KIAA1328: variants seen among roughly 807,000 people sequenced by gnomAD.
KIAA1328 encodes protein hinderin.
KIAA1328 carries 52 observed loss-of-function variants against 68.1 expected under a neutral mutation model. The observed-to-expected ratio is 0.76, with a 90% CI of 0.61 to 0.96. The LOEUF is 0.96. Ranked by LOEUF, KIAA1328 falls within the 40% of genes least tolerant of loss-of-function variation. The pLI, the probability that KIAA1328 is intolerant of heterozygous loss-of-function variation, is 0.00. For missense variants in KIAA1328, 641 were observed against 677.6 expected (o/e 0.95, Z 0.60); for synonymous variants, 232 against 239.4 (o/e 0.97, Z 0.28).
At chr18:36,987,307 G>A (rs561215330) in intron 6 of KIAA1328, among the ~76,000 whole-genome samples, 38 of 140,032 alleles carry the variant, frequency 2.7e-4, no homozygotes, top group African/African-American at 9.7e-4. Context: ...GACACAGGAA[G>A]GGGAATATCA....
At position 36,977,658 on chromosome 18, in the gene KIAA1328, AT is replaced by A. The variant is rs375516871; in HGVS notation, c.576+18225del. Reference sequence around the variant, plus strand: ...TTTTGTTTTTAAAACAAGGGACCACATTAATCAAACCCAGAAACAAGGTGTT... The same window carrying A: ...TTTTGTTTTTAAAACAAGGGACCACATAATCAAACCCAGAAACAAGGTGTT... On this transcript the variant is annotated intron_variant, in intron 6 of 9. Coordinates refer to ENST00000280020, the MANE Select transcript of KIAA1328 (RefSeq NM_020776.3). Among the ~76,000 whole-genome samples the A allele has an allele frequency of 6.4e-3, 969 of 152,268 alleles. 9 individuals carry two copies. Among genetic ancestry groups the A allele is most frequent in the African/African-American group, 0.023 (935 of 41,552 alleles).
At chr18:37,085,344 G>A (rs1031880819) in intron 7 of KIAA1328, among the ~76,000 whole-genome samples, 1 of 152,136 alleles carries the variant, frequency 6.6e-6, no homozygotes, top group African/African-American at 2.4e-5. Context: ...CTACTGTGTT[G>A]CCAGAGTTTG....
chr18:36,983,979 T>A (rs938891371), intron 6 of KIAA1328, among the ~76,000 whole-genome samples: 3 of 152,150 alleles, frequency 2.0e-5, no homozygotes, highest in Non-Finnish European at 2.9e-5. Context: ...CAATTCAGCA[T>A]GTTAATAAGC....
At chr18:36,928,907 T>C (rs910312158) in intron 5 of KIAA1328, among the ~76,000 whole-genome samples, 1 of 152,218 alleles carries the variant, frequency 6.6e-6, no homozygotes, top group African/African-American at 2.4e-5. Context: ...TCTTATTTTC[T>C]TTGTGTTTCA....
intron 6 of KIAA1328, among the ~76,000 whole-genome samples, chr18:37,025,922 A>G (rs1248584658): frequency 2.0e-5 from 3 of 152,190 alleles, no homozygotes; most frequent in Non-Finnish European, 4.4e-5. Context: ...TCAAAAAATC[A>G]ATGAATCCAG....
intron 5 of KIAA1328, among the ~76,000 whole-genome samples, chr18:36,940,458 A>C (rs1337680009): frequency 6.6e-6 from 1 of 152,166 alleles, no homozygotes. Flanking sequence ...ACAACTATTC[A>C]TGAAGTGTAC....
chr18:37,181,125 T>A (rs1035413745), intron 9 of KIAA1328, among the ~76,000 whole-genome samples: 8 of 152,170 alleles, frequency 5.3e-5, no homozygotes, highest in Admixed American at 6.5e-5. Context: ...AGTAACAGTT[T>A]ATTCACTATA....
At chr18:37,125,539 T>C (rs1047693952) in intron 7 of KIAA1328, among the ~76,000 whole-genome samples, 31 of 151,968 alleles carry the variant, frequency 2.0e-4, no homozygotes, top group Admixed American at 1.8e-3. Flanking sequence ...AGAATAATAA[T>C]AGAGAAATCA....
At chr18:37,138,775 G>A (rs1466914503) in intron 7 of KIAA1328, among the ~76,000 whole-genome samples, 1 of 151,950 alleles carries the variant, frequency 6.6e-6, no homozygotes, top group Non-Finnish European at 1.5e-5. Context: ...AATGTCCAAA[G>A]GTAGTCATTT....
Position 37,081,128 on chromosome 18 carries a change from C to T in KIAA1328, c.1232+13583C>T, listed in dbSNP as rs769776125. On this transcript the variant is annotated intron_variant, in intron 7 of 9. Coordinates refer to ENST00000280020, the MANE Select transcript of KIAA1328 (RefSeq NM_020776.3). ...CCCCGAGTAGCTGGGATTGCAGGCACGCACCACCACACCAGGCTAATTTTT... is the reference window on the plus strand; with the variant it reads ...CCCCGAGTAGCTGGGATTGCAGGCATGCACCACCACACCAGGCTAATTTTT... 1.0e-3 allele frequency among the ~76,000 whole-genome samples: 156 copies of T among 152,066 alleles called. 2 individuals carry two copies. The highest frequency in any genetic ancestry group is 3.7e-3 in the African/African-American group (153 of 41,518).
At chr18:37,055,684 C>T (rs1271858649) in intron 6 of KIAA1328, among the ~76,000 whole-genome samples, 2 of 152,160 alleles carry the variant, frequency 1.3e-5, no homozygotes, top group Admixed American at 6.6e-5. Context: ...GGAGATACAA[C>T]GACCTGGCCC....
At chr18:36,893,465 T>TGTGTG (rs1556812094) in intron 5 of KIAA1328, among the ~76,000 whole-genome samples, 416 of 120,640 alleles carry the variant, frequency 3.4e-3, no homozygotes, top group African/African-American at 7.0e-3. Context: ...GTGTGTGTTT[T>TGTGTG]TGTGTGTGTG....
At chr18:37,147,169 G>A (rs575974644) in intron 7 of KIAA1328, among the ~76,000 whole-genome samples, 2 of 152,166 alleles carry the variant, frequency 1.3e-5, no homozygotes, top group Non-Finnish European at 2.9e-5. Flanking sequence ...CATCAGAATT[G>A]TGGGCCAAAT....
At chr18:36,991,781 C>T (rs943009979) in intron 6 of KIAA1328, among the ~76,000 whole-genome samples, 5 of 152,208 alleles carry the variant, frequency 3.3e-5, no homozygotes, top group Non-Finnish European at 5.9e-5. Context: ...CCTCGTGTAG[C>T]GTCTTCACAT....
chr18:37,142,941 G>GT (rs2058801432), intron 7 of KIAA1328, among the ~76,000 whole-genome samples: 2 of 144,034 alleles, frequency 1.4e-5, no homozygotes, highest in East Asian at 2.0e-4. Flanking sequence ...GATTTACTTT[G>GT]GTTTTTTTTT....
intron 6 of KIAA1328, among the ~76,000 whole-genome samples, chr18:37,028,636 A>C (rs934757587): frequency 6.6e-6 from 1 of 151,820 alleles, no homozygotes; most frequent in African/African-American, 2.4e-5. Flanking sequence ...GCTTTTTCCC[A>C]TTAGTATGAT....
intron 5 of KIAA1328, among the ~76,000 whole-genome samples, chr18:36,905,765 C>G (rs1309599245): frequency 6.6e-6 from 1 of 152,134 alleles, no homozygotes; most frequent in African/African-American, 2.4e-5. Context: ...GACAAGTGCT[C>G]ACATTATCAT....
intron 6 of KIAA1328, among the ~76,000 whole-genome samples, chr18:37,000,737 A>G (rs1338110069): frequency 6.6e-6 from 1 of 151,974 alleles, no homozygotes; most frequent in East Asian, 1.9e-4. Flanking sequence ...TACCAAGAGG[A>G]ACTCTGGAAA....
chr18:37,090,343 G>T (rs1359679994), intron 7 of KIAA1328, among the ~76,000 whole-genome samples: 1 of 152,146 alleles, frequency 6.6e-6, no homozygotes, highest in South Asian at 2.1e-4. Flanking sequence ...AAGCCAAAGA[G>T]CCTGCAAGGT....
Sources: gnomAD v4.1 joint callset for allele counts (sites outside exome capture counted in the v4.1 genomes callset) on GRCh38, gnomAD v4.1.1 for gene constraint, MANE v1.5 for transcripts, NCBI Gene and HGNC (gene_info 2026-07-23, HGNC 2026-07-21) for gene names.